Variants in SCRG1 observed in about 807,000 individuals in gnomAD.
SCRG1 encodes the protein scrapie-responsive protein 1.
SCRG1 carries 3 observed loss-of-function variants against 7.7 expected under a neutral mutation model. That is an observed-to-expected ratio of 0.39 (90% CI 0.18 to 1.01). The LOEUF (loss-of-function observed/expected upper bound fraction) is 1.01, where lower values mean the gene tolerates loss of function less well. SCRG1 is among the 50% of genes least tolerant of loss of function. The pLI, the probability that SCRG1 is intolerant of heterozygous loss-of-function variation, is 0.36. For missense variants in SCRG1, 110 were observed against 117.2 expected, an observed-to-expected ratio of 0.94 and a Z score of 0.28; for synonymous variants, 46 against 41.2, an observed-to-expected ratio of 1.12 and a Z score of -0.44.
Position 173,385,245 on chromosome 4 carries a change from G to C in SCRG1, c.*3096C>G, listed in dbSNP as rs1381873443. 9 of 152,176 alleles carry C rather than the reference G, an allele frequency of 5.9e-5. No homozygotes were observed. The highest frequency in any genetic ancestry group is 5.2e-4 in the Admixed American group (8 of 15,274). The allele number at this position is 152,176 out of a possible 1,614,324, so 9.4% of individuals were successfully genotyped here. On this transcript the variant is annotated 3_prime_UTR_variant, in exon 3 of 3. Transcript: ENST00000296506. ...ACACTTTGGGAGGCCAAGGCAGGCAGATCATTTGAGGCCAGGAGTTGGAGA... is the reference window on the plus strand; with the variant it reads ...ACACTTTGGGAGGCCAAGGCAGGCACATCATTTGAGGCCAGGAGTTGGAGA...
the SCRG1 span, among the ~76,000 whole-genome samples, chr4:173,471,840 G>A: frequency 6.6e-6 from 1 of 152,200 alleles, no homozygotes; most frequent in South Asian, 2.1e-4. Flanking sequence ...CTCCCGAGTA[G>A]CTGGGATTAT....
chr4:173,465,661 AT>A, the SCRG1 span, among the ~76,000 whole-genome samples: 1 of 151,356 alleles, frequency 6.6e-6, no homozygotes, highest in African/African-American at 2.4e-5. Context: ...ATATATACAT[AT>A]TATATACATA....
the SCRG1 span, among the ~76,000 whole-genome samples, chr4:173,491,830 G>A: frequency 6.6e-6 from 1 of 152,264 alleles, no homozygotes; most frequent in East Asian, 1.9e-4. Flanking sequence ...CCAGATATAA[G>A]AGCGTAAACT....
chr4:173,484,562 T>C, the SCRG1 span, among the ~76,000 whole-genome samples: 1 of 88,548 alleles, frequency 1.1e-5, no homozygotes, highest in Non-Finnish European at 1.9e-5. Context: ...ATGTTATATA[T>C]TATGTATATT....
At chr4:173,501,233 A>G in the SCRG1 span, among the ~76,000 whole-genome samples, 3 of 152,280 alleles carry the variant, frequency 2.0e-5, no homozygotes, top group East Asian at 5.8e-4. This position sits in a 1 kb window ranked among gnomAD's most constrained non-coding sequence, Gnocchi z 5.1. Flanking sequence ...ATTATCACAA[A>G]TGGTGAAGGA....
chr4:173,416,964 TCA>T, the SCRG1 span, among the ~76,000 whole-genome samples: 2,208 of 75,314 alleles, frequency 0.029, 86 homozygotes, highest in African/African-American at 0.11. Context: ...AGTCACATCA[TCA>T]CACACACCAC....
chr4:173,444,549 C>T, the SCRG1 span, among the ~76,000 whole-genome samples: 8 of 152,148 alleles, frequency 5.3e-5, no homozygotes, highest in African/African-American at 1.4e-4. Flanking sequence ...GGCTGTGGGC[C>T]GGCTTTGGCC....
the SCRG1 span, among the ~76,000 whole-genome samples, chr4:173,471,645 G>T: frequency 3.3e-5 from 5 of 152,148 alleles, no homozygotes; most frequent in Admixed American, 6.5e-5. Flanking sequence ...ATTGGCAAAT[G>T]GTCACTCTGG....
chr4:173,504,185 T>C, the SCRG1 span, among the ~76,000 whole-genome samples: 8 of 152,150 alleles, frequency 5.3e-5, no homozygotes, highest in Admixed American at 1.3e-4. The surrounding 1 kb of genome is among the most constrained non-coding windows in gnomAD (Gnocchi z 4.7). Flanking sequence ...TTTGAATCCA[T>C]TTCTTTTTGG....
At chr4:173,515,855 T>C in the SCRG1 span, among the ~76,000 whole-genome samples, 1 of 152,198 alleles carries the variant, frequency 6.6e-6, no homozygotes, top group African/African-American at 2.4e-5. This position sits in a 1 kb window ranked among gnomAD's most constrained non-coding sequence, Gnocchi z 4.6. Context: ...ACGTATCTTT[T>C]TCAGAGAGTT....
rs528706413 is a variant in SCRG1 at position 173,392,782 on chromosome 4, C to T, written c.-14-1354G>A. Among the ~76,000 whole-genome samples the T allele has an allele frequency of 3.9e-5, 6 of 152,222 alleles. No individual in the cohort carries two copies. The South Asian group carries it at 1.0e-3, about 26-fold the overall frequency. ...GGGAAAACAGATGGAGGACATTGTA[C>T]TTGGAAAGAAAACAATATTGTGGAA... On this transcript the variant is annotated intron_variant, in intron 1 of 2. Coordinates refer to ENST00000296506, the MANE Select transcript of SCRG1 (RefSeq NM_007281.4).
chr4:173,424,897 T>TTAAAATAAAA, the SCRG1 span, among the ~76,000 whole-genome samples: 1,732 of 130,864 alleles, frequency 0.013, 47 homozygotes, highest in African/African-American at 0.039. Context: ...AGACTCCATC[T>TTAAAATAAAA]TAAAATAAAA....
chr4:173,517,066 G>A, the SCRG1 span, among the ~76,000 whole-genome samples: 1 of 152,256 alleles, frequency 6.6e-6, no homozygotes, highest in Non-Finnish European at 1.5e-5. Context: ...CAGGGAAGGA[G>A]AGGACCACGA....
chr4:173,477,429 G>A, the SCRG1 span, among the ~76,000 whole-genome samples: 1 of 151,958 alleles, frequency 6.6e-6, no homozygotes, highest in East Asian at 1.9e-4. Flanking sequence ...CTTTTTATTC[G>A]GTCATTCCCA....
the SCRG1 span, among the ~76,000 whole-genome samples, chr4:173,425,360 C>T: frequency 6.6e-6 from 1 of 152,206 alleles, no homozygotes; most frequent in East Asian, 1.9e-4. Context: ...TCAAAAAGAT[C>T]ACTGTATGCT....
the SCRG1 span, among the ~76,000 whole-genome samples, chr4:173,485,109 T>A: frequency 0.65 from 9,401 of 14,376 alleles, 3,643 homozygotes; most frequent in Non-Finnish European, 0.79. Context: ...ATATTATATA[T>A]TATATAATAT....
the SCRG1 span, among the ~76,000 whole-genome samples, chr4:173,412,746 TC>T: frequency 1.3e-5 from 2 of 152,174 alleles, no homozygotes; most frequent in African/African-American, 4.8e-5. Context: ...GGTAATCTTT[TC>T]CCCCAATAAC....
the SCRG1 span, among the ~76,000 whole-genome samples, chr4:173,507,301 C>T: frequency 6.6e-6 from 1 of 152,178 alleles, no homozygotes; most frequent in Admixed American, 6.5e-5. This position sits in a 1 kb window ranked among gnomAD's most constrained non-coding sequence, Gnocchi z 4.4. Context: ...CCTCCGCCTC[C>T]CGGGTTCAAG....
chr4:173,449,912 T>G, the SCRG1 span, among the ~76,000 whole-genome samples: 1 of 152,286 alleles, frequency 6.6e-6, no homozygotes, highest in East Asian at 1.9e-4. Context: ...CTCCTGTAGG[T>G]GGAATAGTCT....
Sources: allele counts gnomAD v4.1 joint callset (sites outside exome capture counted in the v4.1 genomes callset), GRCh38; gene constraint gnomAD v4.1.1; non-coding constraint Gnocchi (gnomAD v3.1); transcripts MANE v1.5; gene names NCBI Gene and HGNC (gene_info 2026-07-23, HGNC 2026-07-21).